Variants in LRP1B observed in about 807,000 individuals in gnomAD.
The protein encoded by LRP1B is low-density lipoprotein receptor-related protein 1B.
LRP1B carries 217 observed loss-of-function variants against 556.6 expected under a neutral mutation model. The ratio of observed to expected loss-of-function variants is 0.39; its 90% CI spans 0.35 to 0.44. LRP1B has a LOEUF of 0.44. LRP1B is among the 20% of genes least tolerant of loss of function. The pLI, the probability that LRP1B is intolerant of heterozygous loss-of-function variation, is 1.00. For missense variants in LRP1B, 5,053 were observed against 5,620.8 expected (o/e 0.90, Z 3.23); for synonymous variants, 2,047 against 1,865.8 (o/e 1.10, Z -2.50).
chr2:140,284,795 G>A (rs980369273), intron 84 of LRP1B, among the ~76,000 whole-genome samples: 4 of 150,422 alleles, frequency 2.7e-5, no homozygotes, highest in African/African-American at 9.8e-5. Context: ...TAAATAGAGG[G>A]ATGATAAAGA....
chr2:141,589,785 C>T lies in LRP1B; in HGVS notation c.206-109252G>A, dbSNP rs1687272095. Among the ~76,000 whole-genome samples, 5 of 152,198 alleles carry T rather than the reference C, an allele frequency of 3.3e-5. No individual in the cohort carries two copies. The South Asian group carries it at 1.0e-3, about 32-fold the overall frequency. On this transcript the variant is annotated intron_variant, in intron 2 of 90. Coordinates refer to ENST00000389484, the MANE Select transcript of LRP1B (RefSeq NM_018557.3). ...CTAAATCCTGGGAGGTGGGATGTTG[C>T]TGTTTATTGAGTAGGCAAACTACCA...
At chr2:140,749,490 A>C (rs1195273364) in intron 35 of LRP1B, among the ~76,000 whole-genome samples, 1 of 151,988 alleles carries the variant, frequency 6.6e-6, no homozygotes, top group African/African-American at 2.4e-5. Flanking sequence ...ATTCTGTTTT[A>C]AAATTTATTG....
At chr2:142,013,066 G>C (rs1703004828) in intron 1 of LRP1B, among the ~76,000 whole-genome samples, 2 of 152,164 alleles carry the variant, frequency 1.3e-5, no homozygotes, top group Non-Finnish European at 1.5e-5. Context: ...CTCATGATTA[G>C]TTACCTTCTA....
At chr2:141,110,827 G>C (rs554707732) in intron 7 of LRP1B, among the ~76,000 whole-genome samples, 1 of 152,248 alleles carries the variant, frequency 6.6e-6, no homozygotes, top group South Asian at 2.1e-4. Flanking sequence ...GGGAAATTCT[G>C]AGAAGGCTTA....
intron 3 of LRP1B, among the ~76,000 whole-genome samples, chr2:141,370,899 T>G (rs1340781423): frequency 6.6e-6 from 1 of 152,202 alleles, no homozygotes; most frequent in Non-Finnish European, 1.5e-5. Context: ...TATTGAAAAC[T>G]GTATCCTTTC....
At chr2:141,186,620 C>T (rs370822309) in intron 7 of LRP1B, among the ~76,000 whole-genome samples, 1 of 151,962 alleles carries the variant, frequency 6.6e-6, no homozygotes, top group Non-Finnish European at 1.5e-5. Context: ...TCCAAAGAAC[C>T]TATTCTGATA....
chr2:140,862,436 A>G (rs1438877909), intron 27 of LRP1B, among the ~76,000 whole-genome samples: 1 of 152,204 alleles, frequency 6.6e-6, no homozygotes, highest in African/African-American at 2.4e-5. Context: ...CAGAGAACAC[A>G]TGGCCCACAA....
At chr2:140,732,721 C>T (rs746603336) in intron 35 of LRP1B, among the ~76,000 whole-genome samples, 40 of 151,854 alleles carry the variant, frequency 2.6e-4, no homozygotes, top group Non-Finnish European at 3.8e-4. Flanking sequence ...TAAAGATCTC[C>T]GTATCAGCTG....
chr2:140,478,894 T>A (rs761593920), intron 59 of LRP1B, among the ~76,000 whole-genome samples: 1 of 152,136 alleles, frequency 6.6e-6, no homozygotes, highest in Non-Finnish European at 1.5e-5. Flanking sequence ...CTGACTTAAA[T>A]AGGAAATATG....
chr2:141,789,968 C>T (rs13412865), intron 2 of LRP1B, among the ~76,000 whole-genome samples: 70,567 of 151,564 alleles, frequency 0.47, 16,688 homozygotes, highest in Middle Eastern at 0.66. Context: ...TCTATAGTCC[C>T]TGAAGTTGAA....
intron 3 of LRP1B, among the ~76,000 whole-genome samples, chr2:141,287,724 A>G (rs1685774636): frequency 6.6e-6 from 1 of 152,184 alleles, no homozygotes; most frequent in South Asian, 2.1e-4. Context: ...TATTTCCTGC[A>G]TGATATAAAG....
At chr2:140,960,381 AC>A (rs1696000354) in intron 18 of LRP1B, among the ~76,000 whole-genome samples, 1 of 151,866 alleles carries the variant, frequency 6.6e-6, no homozygotes, top group African/African-American at 2.4e-5. Context: ...CATGTAAAAA[AC>A]AACATAAAAT....
intron 2 of LRP1B, among the ~76,000 whole-genome samples, chr2:141,514,346 C>T (rs191748120): frequency 5.9e-5 from 9 of 152,184 alleles, no homozygotes; most frequent in Non-Finnish European, 1.0e-4. Flanking sequence ...TGCTCTCCAT[C>T]CACGGGATCT....
chr2:140,429,018 C>G (rs544304407), intron 66 of LRP1B, among the ~76,000 whole-genome samples: 16 of 152,208 alleles, frequency 1.1e-4, no homozygotes, highest in Admixed American at 7.8e-4. Context: ...TGTATCCCCC[C>G]ACCTTAACCC....
intron 1 of LRP1B, among the ~76,000 whole-genome samples, chr2:141,831,416 C>A (rs13382780): frequency 0.036 from 5,416 of 151,604 alleles, 318 homozygotes; most frequent in African/African-American, 0.12. Context: ...TCTGGGAGAT[C>A]TGACTTTGTG....
chr2:140,657,466 A>G (rs544478532), intron 41 of LRP1B, among the ~76,000 whole-genome samples: 1 of 151,528 alleles, frequency 6.6e-6, no homozygotes, highest in Admixed American at 6.6e-5. Flanking sequence ...CATCTAACAA[A>G]TATGGGTGAA....
chr2:141,202,059 C>T lies in LRP1B; in HGVS notation c.851-13476G>A, dbSNP rs189998407. Among the ~76,000 whole-genome samples, 300 of 152,286 alleles carry T rather than the reference C, an allele frequency of 2.0e-3. 2 individuals are homozygous for T. The highest frequency in any genetic ancestry group is 6.8e-3 in the African/African-American group (281 of 41,550). ...TGGTTTGCCACACAGATCATTCCAT[C>T]ACCTAGATATTAAGCCCAGCATCCA... On this transcript the variant is annotated intron_variant, in intron 6 of 90. Transcript: ENST00000389484.
intron 3 of LRP1B, among the ~76,000 whole-genome samples, chr2:141,406,008 T>C (rs1690619470): frequency 6.6e-6 from 1 of 152,112 alleles, no homozygotes; most frequent in African/African-American, 2.4e-5. Flanking sequence ...AAGTATGATG[T>C]ATGGTTAACA....
At position 141,238,482 on chromosome 2, in the gene LRP1B, C is replaced by A. The variant is rs182039200; in HGVS notation, c.592+8744G>T. Reference sequence around the variant, plus strand: ...GCCTCAGTATTTGAATATTTATTATCCATTCAACAAATACTTATTGAGCCT... The same window carrying A: ...GCCTCAGTATTTGAATATTTATTATACATTCAACAAATACTTATTGAGCCT... On this transcript the variant is annotated intron_variant, in intron 5 of 90. Transcript: ENST00000389484. Among the ~76,000 whole-genome samples, 5 of 152,180 alleles carry A rather than the reference C, an allele frequency of 3.3e-5. No homozygotes were observed. In the East Asian group the frequency reaches 9.7e-4, roughly 29 times the overall value.
Sources: allele counts gnomAD v4.1 joint callset (sites outside exome capture counted in the v4.1 genomes callset), GRCh38; gene constraint gnomAD v4.1.1; transcripts MANE v1.5; gene names NCBI Gene and HGNC (gene_info 2026-07-23, HGNC 2026-07-21).